Variants in TUSC3 observed in about 807,000 individuals in gnomAD.
The protein encoded by TUSC3 is tumor suppressor candidate 3.
A neutral mutation model predicts 44.8 loss-of-function variants in TUSC3; 45 were observed. That is an observed-to-expected ratio of 1.00 (90% CI 0.79 to 1.29). The LOEUF is 1.29. TUSC3 is among the 50% of genes most tolerant of loss of function. TUSC3 has a pLI of 0.00. For synonymous variants in TUSC3, 212 were observed against 152.9 expected (o/e 1.39, Z -2.85); for missense variants, 519 against 437.9 (o/e 1.19, Z -1.65).
At chr8:15,775,138 A>G in the TUSC3 span, among the ~76,000 whole-genome samples, 206 of 152,296 alleles carry the variant, frequency 1.4e-3, 1 homozygote, top group Admixed American at 2.6e-3. Flanking sequence ...CCCATAAAAA[A>G]GTTATGAAGT....
In TUSC3 at chr8:15,765,579, A is replaced by G. The variant is rs1322749238; in HGVS notation, c.*1423A>G. 6.6e-6 allele frequency: 1 copy of G among 152,066 alleles called. No individual in the cohort carries two copies. The highest frequency in any genetic ancestry group is 2.4e-5 in the African/African-American group (1 of 41,438). The allele number at this position is 152,066 out of a possible 1,614,324, so 9.4% of individuals were successfully genotyped here. ...CAAGTTATATCCCAGGGCAATGTGT[A>G]TGCTAGCAGGATGAATGCTATCTTT... On this transcript the variant is annotated 3_prime_UTR_variant, in exon 11 of 11. Coordinates refer to ENST00000503731, the MANE Select transcript of TUSC3 (RefSeq NM_006765.4).
the TUSC3 span, among the ~76,000 whole-genome samples, chr8:15,782,075 C>T: frequency 2.0e-5 from 3 of 152,182 alleles, no homozygotes; most frequent in African/African-American, 7.2e-5. Context: ...GCAGAGGTGA[C>T]AGTGAGCCGA....
intron 2 of TUSC3, among the ~76,000 whole-genome samples, chr8:15,485,335 T>C (rs1800719421): frequency 6.6e-6 from 1 of 152,236 alleles, no homozygotes; most frequent in African/African-American, 2.4e-5. Context: ...GTTTTGTTTC[T>C]TTGCTGCATT....
intron 1 of TUSC3, among the ~76,000 whole-genome samples, chr8:15,423,101 G>A (rs1455560456): frequency 6.6e-6 from 1 of 151,702 alleles, no homozygotes; most frequent in East Asian, 1.9e-4. Flanking sequence ...TTTTTTTTAA[G>A]AAAAAAGTGT....
At chr8:15,818,947 C>T in the TUSC3 span, among the ~76,000 whole-genome samples, 16 of 152,214 alleles carry the variant, frequency 1.1e-4, no homozygotes, top group African/African-American at 3.4e-4. Context: ...TTGTGGGTCT[C>T]GTGCAGTGGT....
chr8:15,667,679 T>G (rs1807728965), intron 5 of TUSC3, among the ~76,000 whole-genome samples: 1 of 151,778 alleles, frequency 6.6e-6, no homozygotes. Context: ...TTAATTAAAT[T>G]TTGTTTTCAA....
At chr8:15,849,861 G>C in the TUSC3 span, among the ~76,000 whole-genome samples, 1 of 152,084 alleles carries the variant, frequency 6.6e-6, no homozygotes, top group Admixed American at 6.6e-5. Context: ...GCTCACTCCA[G>C]TGCTGAGCTC....
At chr8:15,685,098 C>G (rs1449256141) in intron 6 of TUSC3, among the ~76,000 whole-genome samples, 3 of 152,218 alleles carry the variant, frequency 2.0e-5, no homozygotes, top group Non-Finnish European at 4.4e-5. Context: ...TTTGCTGGAG[C>G]TGCACTGCGT....
the TUSC3 span, among the ~76,000 whole-genome samples, chr8:15,794,820 C>G: frequency 6.6e-6 from 1 of 152,152 alleles, no homozygotes; most frequent in Non-Finnish European, 1.5e-5. Context: ...GCAAATACGT[C>G]TCTCCTTTGC....
intron 1 of TUSC3, among the ~76,000 whole-genome samples, chr8:15,564,941 A>T (rs1802609501): frequency 6.6e-6 from 1 of 152,174 alleles, no homozygotes; most frequent in African/African-American, 2.4e-5. Flanking sequence ...GCTGAGGCAG[A>T]TTCATGGGCA....
chr8:15,553,288 G>C (rs1030530975), intron 1 of TUSC3, among the ~76,000 whole-genome samples: 2 of 151,702 alleles, frequency 1.3e-5, no homozygotes, highest in Admixed American at 1.3e-4. Flanking sequence ...CACCCAGCCA[G>C]AGCACTTACA....
At chr8:15,806,980 C>T in the TUSC3 span, 3 of 1,464,350 alleles carry the variant, frequency 2.0e-6, no homozygotes, top group Admixed American at 3.4e-5. Flanking sequence ...GAAACCTGTT[C>T]TGATTCCATT....
chr8:15,470,412 G>C (rs1462962960), intron 1 of TUSC3, among the ~76,000 whole-genome samples: 1 of 152,130 alleles, frequency 6.6e-6, no homozygotes, highest in Non-Finnish European at 1.5e-5. Flanking sequence ...TTAAAAATGT[G>C]GGTTAGTAAT....
At chr8:15,700,204 A>T (rs1338584897) in intron 6 of TUSC3, among the ~76,000 whole-genome samples, 1 of 152,146 alleles carries the variant, frequency 6.6e-6, no homozygotes, top group Admixed American at 6.6e-5. Context: ...AAAAAAGTTT[A>T]TCATGCTTTT....
intron 8 of TUSC3, among the ~76,000 whole-genome samples, chr8:15,746,838 G>A (rs1413648572): frequency 6.6e-6 from 1 of 152,010 alleles, no homozygotes; most frequent in Non-Finnish European, 1.5e-5. Context: ...TTAATTATAG[G>A]TTTTTATAAA....
intron 1 of TUSC3, among the ~76,000 whole-genome samples, chr8:15,615,705 G>C (rs1460378309): frequency 1.3e-5 from 2 of 152,088 alleles, no homozygotes; most frequent in African/African-American, 4.8e-5. Context: ...ATATTGTATA[G>C]TATGTAGAAA....
At chr8:15,507,804 T>C (rs1283634241) in intron 2 of TUSC3, among the ~76,000 whole-genome samples, 1 of 151,864 alleles carries the variant, frequency 6.6e-6, no homozygotes, top group East Asian at 1.9e-4. Context: ...AGGAAAAAAC[T>C]ATAGTTAAAT....
chr8:15,654,347 G>A (rs1423504202), intron 3 of TUSC3, among the ~76,000 whole-genome samples: 2 of 152,146 alleles, frequency 1.3e-5, no homozygotes, highest in African/African-American at 2.4e-5. Flanking sequence ...GCTTTGTTCA[G>A]TTTAAGGAAC....
intron 1 of TUSC3, among the ~76,000 whole-genome samples, chr8:15,435,232 C>G (rs895670769): frequency 6.6e-6 from 1 of 151,866 alleles, no homozygotes; most frequent in Non-Finnish European, 1.5e-5. Flanking sequence ...GCCATTCTAA[C>G]TGGTGTGAGA....
Sources: allele counts gnomAD v4.1 joint callset (sites outside exome capture counted in the v4.1 genomes callset), GRCh38; gene constraint gnomAD v4.1.1; transcripts MANE v1.5; gene names NCBI Gene and HGNC (gene_info 2026-07-23, HGNC 2026-07-21).